TRAF7: variants seen among roughly 807,000 people sequenced by gnomAD.
TRAF7 encodes TNF receptor associated factor 7.
In TRAF7, 45 loss-of-function variants were observed where a neutral mutation model predicts 89.3. The observed-to-expected ratio is 0.50, with a 90% CI of 0.40 to 0.65. The LOEUF (loss-of-function observed/expected upper bound fraction) is 0.65, where lower values mean the gene tolerates loss of function less well. Ranked by LOEUF, TRAF7 falls within the 30% of genes least tolerant of loss-of-function variation. The pLI is 0.00. For missense variants in TRAF7, 677 were observed against 918.1 expected (o/e 0.74, Z 3.39); for synonymous variants, 406 against 369.2 (o/e 1.10, Z -1.14).
chr16:2,172,711 A>G, intron 9 of TRAF7, 112 bp downstream of exon 9: 6 of 1,303,434 alleles, frequency 4.6e-6, no homozygotes, highest in South Asian at 1.4e-5. Flanking sequence ...CTGGGGCCAC[A>G]CCGGGGTCTG....
rs370516870 is a variant in TRAF7 at position 2,170,619 on chromosome 16, C to A, written c.237C>A (p.Pro79=). ...SPRDEEDSMP[P]ISTPRRSDSA... ...GCGCCTCTCCCTCCACACAGCCCCC[C>A]ATCAGCACTCCCCGCCGCTCCGACT... Residue 79 remains proline, a synonymous_variant, in exon 5 of 21, where the codon CCC becomes CCA. Coordinates refer to ENST00000326181, the MANE Select transcript of TRAF7 (RefSeq NM_032271.3). The A allele has an allele frequency of 6.2e-6, 10 of 1,608,704 alleles. No individual in the cohort carries two copies. In the African/African-American group the frequency reaches 1.1e-4, roughly 17 times the overall value.
Position 2,168,070 on chromosome 16 carries a change from C to T in TRAF7, c.140-7C>T. 6.2e-7 allele frequency: 1 copy of T among 1,610,650 alleles called. No individual in the cohort carries two copies. Among genetic ancestry groups the T allele is most frequent in the Non-Finnish European group, 8.5e-7 (1 of 1,179,730 alleles). On this transcript the variant is annotated splice_polypyrimidine_tract_variant and splice_region_variant and intron_variant, in intron 3 of 20. Transcript: ENST00000326181. This position sits in a 1 kb window ranked among gnomAD's most constrained non-coding sequence, Gnocchi z 4.1. ...CCCACTGAGACGCCAGCCCTCTTGC[C>T]TTGCAGCTGACGGGACCAGCACCTA...
At chr16:2,172,059 C>A in intron 7 of TRAF7, 132 bp from the exon 8 acceptor site, 1 of 1,063,790 alleles carries the variant, frequency 9.4e-7, no homozygotes, top group South Asian at 1.5e-5. Flanking sequence ...CCCACCTGTG[C>A]CCCCGTTCCC....
At chr16:2,169,522 CAG>C (rs1380308668) in intron 4 of TRAF7, among the ~76,000 whole-genome samples, 1 of 152,070 alleles carries the variant, frequency 6.6e-6, no homozygotes, top group East Asian at 1.9e-4. Flanking sequence ...TAGGCCCACA[CAG>C]GGAGTCCCCC....
chr16:2,168,330 T>C lies in TRAF7; in HGVS notation c.231+162T>C. 1.7e-6 allele frequency: 1 copy of C among 592,316 alleles called. No individual in the cohort carries two copies. The highest frequency in any genetic ancestry group is 2.9e-6 in the Non-Finnish European group (1 of 345,370). 36.7% of individuals were successfully genotyped at this position (592,316 alleles called of 1,614,324 possible). On this transcript the variant is annotated intron_variant, in intron 4 of 20. Transcript: ENST00000326181. This position sits in a 1 kb window ranked among gnomAD's most constrained non-coding sequence, Gnocchi z 4.1. ...GGCCTCGGCAGACATGGCAAGTCTGTGAGAAAGGAGGCTCCTGTGGCTGGA... is the reference window on the plus strand; with the variant it reads ...GGCCTCGGCAGACATGGCAAGTCTGCGAGAAAGGAGGCTCCTGTGGCTGGA...
intron 17 of TRAF7, 88 bp from the exon 18 acceptor site, chr16:2,175,746 T>A: frequency 6.3e-7 from 1 of 1,591,148 alleles, no homozygotes. Context: ...GTGGGTGGGC[T>A]GCCCAGCAGT....
In TRAF7 at chr16:2,175,821, C is replaced by T. The variant is rs373358900; in HGVS notation, c.1627-13C>T. ...ACCTGGCCTGGGACCAACTGGCCCA[C>T]GATTACTCATAGATCTGGGACATCC... On this transcript the variant is annotated splice_polypyrimidine_tract_variant and intron_variant, in intron 17 of 20. Transcript: ENST00000326181. 1.3e-4 allele frequency: 214 copies of T among 1,612,058 alleles called. 2 individuals are homozygous for T. The highest frequency in any genetic ancestry group is 4.1e-4 in the South Asian group (37 of 91,066).
In TRAF7 at chr16:2,171,635, G is replaced by A. The variant is rs199945309; in HGVS notation, c.475+30G>A. The A allele has an allele frequency of 1.7e-4, 279 of 1,613,012 alleles. 2 individuals carry two copies. The East Asian group carries it at 4.7e-3, about 27-fold the overall frequency. On this transcript the variant is annotated intron_variant, in intron 7 of 20. Coordinates refer to ENST00000326181, the MANE Select transcript of TRAF7 (RefSeq NM_032271.3). ...GTTTGTGCCCCGGCCCAGGCCTGACGCCGACCGTGCCCATGGCTGCCGAGC... is the reference window on the plus strand; with the variant it reads ...GTTTGTGCCCCGGCCCAGGCCTGACACCGACCGTGCCCATGGCTGCCGAGC...
rs2093108687 is a variant in TRAF7 at position 2,171,267 on chromosome 16, C to A, written c.352C>A (p.Pro118Thr). 1.3e-6 allele frequency: 2 copies of A among 1,547,820 alleles called. No individual in the cohort carries two copies. The highest frequency in any genetic ancestry group is 1.7e-6 in the Non-Finnish European group (2 of 1,146,938). Residue 118 changes from proline (P) to threonine (T), a missense_variant, in exon 6 of 21, where the codon CCA (proline) becomes ACA (threonine). Physicochemically the swap from Pro to Thr is conservative, Grantham distance 38 (BLOSUM62 -1). This residue lies in a region of TRAF7 where 240 missense variants were observed against 191.9 expected (regional missense o/e 1.25). Coordinates refer to ENST00000326181, the MANE Select transcript of TRAF7 (RefSeq NM_032271.3). The part of the protein sequence containing the change: ...SLPEEEEEPE[P>T]LVFAEQPSVK... ...TGCCTTTCCCGCTTGGTTCCAGGAG[C>A]CACTGGTGTTTGCGGAGCAGCCCTC...
rs749906998 is a variant in TRAF7, at chr16:2,173,803, A to G, written c.1102A>G (p.Ile368Val). The change falls in exon 12 of 21, where the codon ATC (isoleucine) becomes GTC (valine). Residue 368 changes from isoleucine to valine, a missense_variant. By Grantham distance (29) the Ile-to-Val change is conservative. Coordinates refer to ENST00000326181, the MANE Select transcript of TRAF7 (RefSeq NM_032271.3). ...GGCCCTGCAGGACGAGCTGTCCCACATCAACGCGCGGCTGAACATGGGCAT... is the reference window on the plus strand; with the variant it reads ...GGCCCTGCAGGACGAGCTGTCCCACGTCAACGCGCGGCTGAACATGGGCAT... ...ASMLNDELSH[I>V]NARLNMGILG... 6.2e-7 allele frequency: 1 copy of G among 1,610,596 alleles called. No homozygotes were observed. The highest frequency in any genetic ancestry group is 2.2e-5 in the East Asian group (1 of 44,866).
At chr16:2,165,002 C>T (rs1304998033) in intron 2 of TRAF7, among the ~76,000 whole-genome samples, 1 of 85,824 alleles carries the variant, frequency 1.2e-5, no homozygotes, top group Non-Finnish European at 2.1e-5. Context: ...GCTGCGTGGC[C>T]TGGCCTGGTC....
At position 2,162,799 on chromosome 16, in the gene TRAF7, C is replaced by G. The variant is rs2093063029; in HGVS notation, c.-38-1084C>G. Among the ~76,000 whole-genome samples the G allele has an allele frequency of 6.6e-6, 1 of 152,072 alleles. No individual in the cohort carries two copies. Among genetic ancestry groups the G allele is most frequent in the African/African-American group, 2.4e-5 (1 of 41,424 alleles). On this transcript the variant is annotated intron_variant, in intron 1 of 20. Coordinates refer to ENST00000326181, the MANE Select transcript of TRAF7 (RefSeq NM_032271.3). The surrounding 1 kb of genome is among the most constrained non-coding windows in gnomAD (Gnocchi z 5.0). ...GAGTCCTGGGCACGTGGCCTTCCTCCCCACAGGGAGCTCAGCTTCAAGCCG... is the reference window on the plus strand; with the variant it reads ...GAGTCCTGGGCACGTGGCCTTCCTCGCCACAGGGAGCTCAGCTTCAAGCCG...
rs192172765 is a variant in TRAF7, at chr16:2,170,748, G to A, written c.348+18G>A. 77 of 1,578,806 alleles carry A rather than the reference G, an allele frequency of 4.9e-5. No individual in the cohort carries two copies. The highest frequency in any genetic ancestry group is 1.1e-4 in the Admixed American group (6 of 56,272). On this transcript the variant is annotated intron_variant, in intron 5 of 20. Coordinates refer to ENST00000326181, the MANE Select transcript of TRAF7 (RefSeq NM_032271.3). ...AGGAGCCGGTAGGTGTGGGGGACTC[G>A]GCGCAGAGCGGCTTCCAGGGCTGTC...
chr16:2,174,069 G>T (rs1258953412), intron 13 of TRAF7, 21 bp downstream of exon 13: 3 of 1,611,564 alleles, frequency 1.9e-6, no homozygotes, highest in Non-Finnish European at 2.5e-6. Context: ...TCCTACCTCA[G>T]TCTCTGCAGC....
intron 2 of TRAF7, among the ~76,000 whole-genome samples, chr16:2,165,399 A>G: frequency 7.4e-6 from 1 of 135,758 alleles, no homozygotes; most frequent in Non-Finnish European, 1.6e-5. Context: ...TAAGCGTGTG[A>G]GTGCTGCGTG....
In TRAF7 at chr16:2,175,966, C is replaced by T. The variant is rs1233028301; in HGVS notation, c.1746+13C>T. 1.1e-5 allele frequency: 18 copies of T among 1,612,854 alleles called. No homozygotes were observed. The highest frequency in any genetic ancestry group is 2.2e-5 in the East Asian group (1 of 44,892). On this transcript the variant is annotated intron_variant, in intron 18 of 20. Transcript: ENST00000326181. ...GAACCTCATCCACGTAAGGCCTGGG[C>T]ATCTGGGTGCAAGGCCAGACTGTGG...
chr16:2,172,645 T>G, intron 9 of TRAF7, 46 bp downstream of exon 9: 1 of 1,525,254 alleles, frequency 6.6e-7, no homozygotes, highest in Non-Finnish European at 8.8e-7. Context: ...GCGCAGGCCC[T>G]CCACAGGCTC....
rs752360235 is a variant in TRAF7 at position 2,168,774 on chromosome 16, G to A, written c.231+606G>A. On this transcript the variant is annotated intron_variant, in intron 4 of 20. Coordinates refer to ENST00000326181, the MANE Select transcript of TRAF7 (RefSeq NM_032271.3). This position sits in a 1 kb window ranked among gnomAD's most constrained non-coding sequence, Gnocchi z 4.1. ...TGAGCCCTGTGGCCAGGGTCTCAGTGGCCGTTCCCTGCCATCCTGGTCAAT... is the reference window on the plus strand; with the variant it reads ...TGAGCCCTGTGGCCAGGGTCTCAGTAGCCGTTCCCTGCCATCCTGGTCAAT... 3.9e-5 allele frequency among the ~76,000 whole-genome samples: 6 copies of A among 152,100 alleles called. No individual in the cohort carries two copies. The highest frequency in any genetic ancestry group is 5.9e-5 in the Non-Finnish European group (4 of 68,004).
At chr16:2,174,786 TGC>T (rs2093128584) in intron 14 of TRAF7, among the ~76,000 whole-genome samples, 1 of 152,190 alleles carries the variant, frequency 6.6e-6, no homozygotes, top group Non-Finnish European at 1.5e-5. Flanking sequence ...AGTAAGCGTG[TGC>T]GTGAGAGATG....
Sources: gnomAD v4.1 joint callset for allele counts (sites outside exome capture counted in the v4.1 genomes callset) on GRCh38, gnomAD v4.1.1 for gene constraint, gnomAD v4.1.1 regional missense constraint, Gnocchi (gnomAD v3.1) non-coding constraint, MANE v1.5 for transcripts, NCBI Gene and HGNC (gene_info 2026-07-23, HGNC 2026-07-21) for gene names.